The following SORCS3 variants were observed in gnomAD, a reference collection of about 807,000 sequenced individuals.
The protein encoded by SORCS3 is sortilin related VPS10 domain containing receptor 3, also known as VPS10 domain-containing receptor SorCS3.
A neutral mutation model predicts 146.3 loss-of-function variants in SORCS3; 57 were observed. That is an observed-to-expected ratio of 0.39 (90% CI 0.31 to 0.49). The LOEUF is 0.49. SORCS3 is among the 20% of genes least tolerant of loss of function. The pLI is 0.92. For synonymous variants in SORCS3, 653 were observed against 618.5 expected, an observed-to-expected ratio of 1.06 and a Z score of -0.83; for missense variants, 1,341 against 1,575.5, an observed-to-expected ratio of 0.85 and a Z score of 2.52.
At chr10:105,132,285 G>T (rs142674348) in intron 7 of SORCS3, among the ~76,000 whole-genome samples, 21 of 152,046 alleles carry the variant, frequency 1.4e-4, no homozygotes, top group African/African-American at 5.1e-4. Flanking sequence ...TACCATGTAT[G>T]GTACTGGTAA....
chr10:105,077,971 G>T (rs1246444262), intron 5 of SORCS3, among the ~76,000 whole-genome samples: 1 of 152,200 alleles, frequency 6.6e-6, no homozygotes, highest in African/African-American at 2.4e-5. Flanking sequence ...CACGAGAGAA[G>T]CCGTGTTCAT....
At chr10:104,909,461 T>A (rs2018943544) in intron 2 of SORCS3, among the ~76,000 whole-genome samples, 1 of 152,102 alleles carries the variant, frequency 6.6e-6, no homozygotes, top group African/African-American at 2.4e-5. Flanking sequence ...TTAGATTGTA[T>A]CCCTCAGAAG....
At chr10:104,926,691 C>T (rs2133607656) in intron 3 of SORCS3, among the ~76,000 whole-genome samples, 1 of 152,334 alleles carries the variant, frequency 6.6e-6, no homozygotes, top group South Asian at 2.1e-4. Flanking sequence ...CATTCAAACT[C>T]ATCACTTAAA....
intron 4 of SORCS3, among the ~76,000 whole-genome samples, chr10:104,986,698 A>G (rs927747898): frequency 3.9e-5 from 6 of 152,170 alleles, no homozygotes; most frequent in Non-Finnish European, 7.4e-5. Flanking sequence ...GTTATGTCTT[A>G]GGGAATAGGG....
chr10:104,777,153 A>G (rs1336085574), intron 1 of SORCS3, among the ~76,000 whole-genome samples: 1 of 151,942 alleles, frequency 6.6e-6, no homozygotes, highest in Non-Finnish European at 1.5e-5. Flanking sequence ...TAGTTGGGAG[A>G]GTTGGCTGGA....
At chr10:105,225,719 ATATCTGTT>A (rs1341805317) in intron 20 of SORCS3, among the ~76,000 whole-genome samples, 1 of 151,994 alleles carries the variant, frequency 6.6e-6, no homozygotes, top group African/African-American at 2.4e-5. Context: ...TGAACATGGC[ATATCTGTT>A]TATTTAGTTG....
At chr10:104,756,172 T>C (rs1430630807) in intron 1 of SORCS3, among the ~76,000 whole-genome samples, 1 of 152,212 alleles carries the variant, frequency 6.6e-6, no homozygotes, top group East Asian at 1.9e-4. Context: ...AGGCCATCAG[T>C]GAACTGTGAG....
At chr10:104,706,385 T>G (rs887351058) in intron 1 of SORCS3, among the ~76,000 whole-genome samples, 2 of 151,846 alleles carry the variant, frequency 1.3e-5, no homozygotes, top group African/African-American at 2.4e-5. Flanking sequence ...ATTTTTGTAT[T>G]TTTAGTAGAG....
intron 23 of SORCS3, 111 bp from the exon 24 acceptor site, chr10:105,255,591 A>G: frequency 1.4e-6 from 1 of 693,150 alleles, no homozygotes; most frequent in Non-Finnish European, 2.5e-6. Context: ...TCTTATCCCT[A>G]ATTGAACCAT....
intron 1 of SORCS3, among the ~76,000 whole-genome samples, chr10:104,724,483 T>C (rs972981075): frequency 2.0e-5 from 3 of 152,160 alleles, no homozygotes; most frequent in Admixed American, 6.5e-5. Context: ...GGAGTATCTT[T>C]GTGGCGTTCT....
chr10:104,864,548 A>G (rs1343106237), intron 2 of SORCS3, among the ~76,000 whole-genome samples: 1 of 152,128 alleles, frequency 6.6e-6, no homozygotes, highest in Non-Finnish European at 1.5e-5. Flanking sequence ...ACTGGGTGAT[A>G]TTCTCTCTCT....
At chr10:104,820,250 T>G (rs1354904494) in intron 1 of SORCS3, among the ~76,000 whole-genome samples, 1 of 152,200 alleles carries the variant, frequency 6.6e-6, no homozygotes, top group East Asian at 1.9e-4. Flanking sequence ...TAAGTCTATT[T>G]CATCCTTGAA....
intron 4 of SORCS3, among the ~76,000 whole-genome samples, chr10:104,980,058 A>G (rs903397906): frequency 3.9e-5 from 6 of 152,224 alleles, no homozygotes; most frequent in African/African-American, 1.4e-4. Flanking sequence ...CACTGAGAAC[A>G]TCTGGGGCAT....
At chr10:104,899,718 T>C (rs1392046923) in intron 2 of SORCS3, among the ~76,000 whole-genome samples, 1 of 152,196 alleles carries the variant, frequency 6.6e-6, no homozygotes, top group East Asian at 1.9e-4. Flanking sequence ...TTGCTCAAAA[T>C]TGTTTTCTTT....
intron 1 of SORCS3, among the ~76,000 whole-genome samples, chr10:104,783,870 A>G (rs909783877): frequency 7.9e-5 from 12 of 152,312 alleles, no homozygotes; most frequent in Middle Eastern, 3.4e-3. Flanking sequence ...CTAGAGGTGT[A>G]TTTGTAATTT....
intron 7 of SORCS3, among the ~76,000 whole-genome samples, chr10:105,110,701 G>T (rs1396662301): frequency 6.6e-6 from 1 of 152,118 alleles, no homozygotes; most frequent in African/African-American, 2.4e-5. Context: ...TTGTGTTTCA[G>T]AGTTAGATTT....
intron 1 of SORCS3, among the ~76,000 whole-genome samples, chr10:104,741,067 T>G (rs937364812): frequency 6.6e-6 from 1 of 152,024 alleles, no homozygotes; most frequent in Non-Finnish European, 1.5e-5. Context: ...GCTCAAGGGA[T>G]TCTCCCACAT....
intron 3 of SORCS3, among the ~76,000 whole-genome samples, chr10:104,934,111 T>C (rs1364639340): frequency 6.6e-6 from 1 of 152,146 alleles, no homozygotes; most frequent in African/African-American, 2.4e-5. Flanking sequence ...TTTTGAAATT[T>C]TCCCAGACAC....
At chr10:105,148,596 C>T (rs548578117) in intron 9 of SORCS3, among the ~76,000 whole-genome samples, 1 of 152,066 alleles carries the variant, frequency 6.6e-6, no homozygotes, top group African/African-American at 2.4e-5. Flanking sequence ...CCAATATTCA[C>T]CAGTAACCAG....
Sources: allele counts gnomAD v4.1 joint callset (sites outside exome capture counted in the v4.1 genomes callset), GRCh38; gene constraint gnomAD v4.1.1; transcripts MANE v1.5; gene names NCBI Gene and HGNC (gene_info 2026-07-23, HGNC 2026-07-21).